The following BAZ2B variants were observed in gnomAD, a reference collection of about 807,000 sequenced individuals.
The protein encoded by BAZ2B is bromodomain adjacent to zinc finger domain protein 2B.
In BAZ2B, 91 loss-of-function variants were observed where a neutral mutation model predicts 246.0. The ratio of observed to expected loss-of-function variants is 0.37; its 90% CI spans 0.31 to 0.44. The LOEUF is 0.44. Ranked by LOEUF, BAZ2B falls within the 20% of genes least tolerant of loss-of-function variation. BAZ2B has a pLI of 1.00. For synonymous variants in BAZ2B, 855 were observed against 860.0 expected (o/e 0.99, Z 0.10); for missense variants, 2,332 against 2,533.7 (o/e 0.92, Z 1.71).
chr2:159,486,026 A>G (rs568721309), intron 2 of BAZ2B, among the ~76,000 whole-genome samples: 2 of 152,164 alleles, frequency 1.3e-5, no homozygotes, highest in South Asian at 4.1e-4. Context: ...ATCTGTGGGG[A>G]AGACGTTATC....
chr2:159,609,810 A>C (rs1694318736), intron 1 of BAZ2B, among the ~76,000 whole-genome samples: 1 of 152,010 alleles, frequency 6.6e-6, no homozygotes, highest in East Asian at 1.9e-4. Context: ...GATCAATAAA[A>C]AAAAAAAAAA....
At chr2:159,616,605 T>C (rs1696135110), upstream of BAZ2B, 1 of 152,160 alleles carries the variant, frequency 6.6e-6, no homozygotes, top group Non-Finnish European at 1.5e-5. Context: ...AAAGTTGCTG[T>C]TAACAAGGGA....
intron 27 of BAZ2B, among the ~76,000 whole-genome samples, chr2:159,366,741 T>C (rs1041198555): frequency 2.0e-5 from 3 of 152,248 alleles, no homozygotes; most frequent in Non-Finnish European, 4.4e-5. Flanking sequence ...TGCAGCCAGA[T>C]TGCTCATGGG....
At chr2:159,680,706 C>T in the BAZ2B span, among the ~76,000 whole-genome samples, 123 of 152,226 alleles carry the variant, frequency 8.1e-4, no homozygotes, top group Non-Finnish European at 2.8e-4. Context: ...AGCTGCAGGA[C>T]AGGAATAATA....
intron 14 of BAZ2B, 85 bp from the exon 15 acceptor site, chr2:159,405,199 C>A: frequency 3.5e-6 from 4 of 1,158,192 alleles, no homozygotes; most frequent in South Asian, 2.7e-5. Context: ...ATGGTATCAT[C>A]ATAAAGGATA....
chr2:159,698,407 G>C, the BAZ2B span, among the ~76,000 whole-genome samples: 1 of 151,044 alleles, frequency 6.6e-6, no homozygotes, highest in Non-Finnish European at 1.5e-5. Flanking sequence ...TATGGTCCCA[G>C]CTACTCAGAT....
chr2:159,550,936 A>G (rs1255415219), intron 2 of BAZ2B, among the ~76,000 whole-genome samples: 1 of 152,164 alleles, frequency 6.6e-6, no homozygotes, highest in Non-Finnish European at 1.5e-5. Flanking sequence ...CCTGGACTCA[A>G]GCAATCCTTC....
At chr2:159,406,812 T>C (rs1194464564) in intron 14 of BAZ2B, among the ~76,000 whole-genome samples, 2 of 152,014 alleles carry the variant, frequency 1.3e-5, no homozygotes, top group African/African-American at 2.4e-5. Context: ...TGGAGTGCAG[T>C]GGCGTGATCT....
chr2:159,434,776 C>T (rs1240249050), intron 8 of BAZ2B: 4 of 152,104 alleles, frequency 2.6e-5, no homozygotes, highest in Non-Finnish European at 2.9e-5. Context: ...GTGGGATCTA[C>T]TTTAGTGTGC....
intron 2 of BAZ2B, among the ~76,000 whole-genome samples, chr2:159,507,550 G>A (rs2082460220): frequency 2.0e-5 from 3 of 152,256 alleles, no homozygotes; most frequent in African/African-American, 4.8e-5. Flanking sequence ...GTTTTTGAAT[G>A]TGTGTCTGCT....
intron 2 of BAZ2B, among the ~76,000 whole-genome samples, chr2:159,491,720 C>CAAAAAAAAATAAA (rs2080511898): frequency 3.4e-5 from 1 of 29,558 alleles, no homozygotes; most frequent in Admixed American, 4.4e-4. Context: ...GACTCCGTCT[C>CAAAAAAAAATAAA]AAAAAAAAAA....
intron 26 of BAZ2B, among the ~76,000 whole-genome samples, chr2:159,374,236 C>T (rs148737110): frequency 9.1e-4 from 138 of 152,040 alleles, no homozygotes; most frequent in African/African-American, 3.0e-3. Context: ...TATGTAAATA[C>T]ATCCACAGTT....
At chr2:159,401,918 A>G (rs1447662178) in intron 16 of BAZ2B, among the ~76,000 whole-genome samples, 5 of 152,156 alleles carry the variant, frequency 3.3e-5, no homozygotes, top group Non-Finnish European at 7.4e-5. Context: ...CAACACCTGT[A>G]TTTCACAATG....
At chr2:159,569,413 T>A (rs780005719) in intron 1 of BAZ2B, among the ~76,000 whole-genome samples, 1 of 152,078 alleles carries the variant, frequency 6.6e-6, no homozygotes, top group East Asian at 1.9e-4. Context: ...AGGCAAAAAA[T>A]TTTTAATAAA....
chr2:159,657,631 C>A, the BAZ2B span, among the ~76,000 whole-genome samples: 1 of 152,100 alleles, frequency 6.6e-6, no homozygotes, highest in African/African-American at 2.4e-5. Context: ...TCTTTGATTT[C>A]TTTTGTCAGA....
chr2:159,561,446 C>G (rs753777671), intron 1 of BAZ2B, among the ~76,000 whole-genome samples: 11 of 152,162 alleles, frequency 7.2e-5, no homozygotes, highest in Non-Finnish European at 1.5e-4. Context: ...GAACTGTTAG[C>G]TTAATAAACC....
At chr2:159,395,091 T>C (rs1188171763) in intron 20 of BAZ2B, among the ~76,000 whole-genome samples, 1 of 151,268 alleles carries the variant, frequency 6.6e-6, no homozygotes, top group Non-Finnish European at 1.5e-5. Context: ...GTAGGTATCA[T>C]CTCAATTTTA....
intron 1 of BAZ2B, among the ~76,000 whole-genome samples, chr2:159,596,805 G>C: frequency 6.6e-6 from 1 of 152,118 alleles, no homozygotes; most frequent in Non-Finnish European, 1.5e-5. Flanking sequence ...CCATTCCTCG[G>C]TTACTTCACT....
At chr2:159,522,474 T>C (rs748884072) in intron 2 of BAZ2B, among the ~76,000 whole-genome samples, 63 of 152,192 alleles carry the variant, frequency 4.1e-4, no homozygotes, top group Admixed American at 8.5e-4. Context: ...AACTAAAACA[T>C]CCAGAGTCAA....
Sources: gnomAD v4.1 joint callset for allele counts (sites outside exome capture counted in the v4.1 genomes callset) on GRCh38, gnomAD v4.1.1 for gene constraint, MANE v1.5 for transcripts, NCBI Gene and HGNC (gene_info 2026-07-23, HGNC 2026-07-21) for gene names.